Variants in LRRC4C observed in about 807,000 individuals in gnomAD.
The protein encoded by LRRC4C is leucine rich repeat containing 4C.
LRRC4C carries 5 observed loss-of-function variants against 33.6 expected under a neutral mutation model. The observed-to-expected ratio is 0.15, with a 90% CI of 0.08 to 0.31. LRRC4C has a LOEUF of 0.31. Ranked by LOEUF, LRRC4C falls within the 10% of genes least tolerant of loss-of-function variation. LRRC4C has a pLI of 1.00. For missense variants in LRRC4C, 560 were observed against 796.7 expected, an observed-to-expected ratio of 0.70 and a Z score of 3.58; for synonymous variants, 329 against 302.0, an observed-to-expected ratio of 1.09 and a Z score of -0.93.
At chr11:40,939,564 C>T (rs535077560) in intron 1 of LRRC4C, among the ~76,000 whole-genome samples, 20 of 152,176 alleles carry the variant, frequency 1.3e-4, no homozygotes, top group African/African-American at 4.3e-4. Flanking sequence ...GGCACTCTTT[C>T]GGCACCTGGG....
chr11:40,740,214 A>C (rs1010813108), intron 2 of LRRC4C, among the ~76,000 whole-genome samples: 7 of 151,838 alleles, frequency 4.6e-5, no homozygotes, highest in Admixed American at 4.6e-4. Context: ...TAGTACTATT[A>C]TTTTTAATTT....
At chr11:40,131,884 A>AT (rs1192971169) in intron 6 of LRRC4C, among the ~76,000 whole-genome samples, 2 of 152,104 alleles carry the variant, frequency 1.3e-5, no homozygotes, top group Non-Finnish European at 2.9e-5. Flanking sequence ...TCTTAGTTTT[A>AT]TTTTTCATCA....
At chr11:41,428,800 A>G (rs1472250421) in intron 1 of LRRC4C, among the ~76,000 whole-genome samples, 1 of 152,118 alleles carries the variant, frequency 6.6e-6, no homozygotes, top group African/African-American at 2.4e-5. Context: ...TTGACATTGA[A>G]TACACTAGCT....
chr11:40,640,789 C>T (rs376473398), intron 3 of LRRC4C, among the ~76,000 whole-genome samples: 5 of 151,948 alleles, frequency 3.3e-5, no homozygotes, highest in East Asian at 3.9e-4. Context: ...CCAAGGTGGG[C>T]GGATCACGAG....
At chr11:40,491,916 C>T (rs1954179379) in intron 3 of LRRC4C, among the ~76,000 whole-genome samples, 1 of 152,110 alleles carries the variant, frequency 6.6e-6, no homozygotes, top group South Asian at 2.1e-4. Context: ...TATAATTCTG[C>T]CTACCATACC....
intron 1 of LRRC4C, among the ~76,000 whole-genome samples, chr11:41,265,531 C>A (rs1339109301): frequency 6.6e-6 from 1 of 152,036 alleles, no homozygotes; most frequent in Non-Finnish European, 1.5e-5. Context: ...ATAATCTTAC[C>A]AACCTTGTGA....
chr11:40,378,689 T>C (rs1948749735), intron 3 of LRRC4C, among the ~76,000 whole-genome samples: 1 of 152,106 alleles, frequency 6.6e-6, no homozygotes, highest in Non-Finnish European at 1.5e-5. Context: ...TTGCCTTACA[T>C]AGCTAAAACG....
chr11:40,718,117 G>A lies in LRRC4C; in HGVS notation c.-406-69839C>T, dbSNP rs559092998. On this transcript the variant is annotated intron_variant, in intron 2 of 6. Coordinates refer to ENST00000528697, the MANE Select transcript of LRRC4C (RefSeq NM_001258419.2). Reference sequence around the variant, plus strand: ...AGATTCCATCAAACGCATGGTGGATGCCTATGTAATCATTTCTGAAGAATT... The same window carrying A: ...AGATTCCATCAAACGCATGGTGGATACCTATGTAATCATTTCTGAAGAATT... 1.4e-4 allele frequency among the ~76,000 whole-genome samples: 22 copies of A among 152,284 alleles called. No individual in the cohort carries two copies. The South Asian group carries it at 4.6e-3, about 32-fold the overall frequency.
intron 3 of LRRC4C, among the ~76,000 whole-genome samples, chr11:40,388,213 G>A (rs547160971): frequency 6.8e-4 from 103 of 152,170 alleles, no homozygotes; most frequent in African/African-American, 2.4e-3. Context: ...GATGAGGCCC[G>A]GATAAGATGA....
chr11:40,164,529 G>A (rs1227935131), intron 5 of LRRC4C, among the ~76,000 whole-genome samples: 1 of 152,168 alleles, frequency 6.6e-6, no homozygotes, highest in Non-Finnish European at 1.5e-5. Context: ...GAGCCACCGT[G>A]CCCAGCCAAA....
At chr11:41,251,402 C>T (rs753701020) in intron 1 of LRRC4C, among the ~76,000 whole-genome samples, 1 of 152,208 alleles carries the variant, frequency 6.6e-6, no homozygotes, top group Non-Finnish European at 1.5e-5. Context: ...AGTCACCATT[C>T]TGCGTCTTCC....
chr11:41,138,944 C>G (rs1180678129), intron 1 of LRRC4C, among the ~76,000 whole-genome samples: 1 of 152,160 alleles, frequency 6.6e-6, no homozygotes, highest in Non-Finnish European at 1.5e-5. Context: ...GAATACCTAG[C>G]TTCCCCAATA....
At chr11:40,525,519 A>G (rs1269428975) in intron 3 of LRRC4C, among the ~76,000 whole-genome samples, 1 of 152,114 alleles carries the variant, frequency 6.6e-6, no homozygotes, top group Non-Finnish European at 1.5e-5. Context: ...ATAGCAAGAA[A>G]AACTAATACC....
intron 3 of LRRC4C, among the ~76,000 whole-genome samples, chr11:40,484,432 G>GA (rs749793929): frequency 9.9e-5 from 15 of 151,032 alleles, no homozygotes; most frequent in African/African-American, 3.4e-4. Flanking sequence ...ATCTCCAAGA[G>GA]AAAAAAAAGG....
At chr11:40,552,612 G>A (rs991592010) in intron 3 of LRRC4C, among the ~76,000 whole-genome samples, 2 of 152,144 alleles carry the variant, frequency 1.3e-5, no homozygotes, top group African/African-American at 4.8e-5. Flanking sequence ...TCACTCATAT[G>A]TCCACAGCTG....
At chr11:40,491,476 C>T (rs113061404) in intron 3 of LRRC4C, among the ~76,000 whole-genome samples, 5 of 152,276 alleles carry the variant, frequency 3.3e-5, no homozygotes, top group African/African-American at 1.2e-4. Context: ...GCTAGGGATG[C>T]AATCTCACTT....
At chr11:40,949,143 T>A (rs1409345844) in intron 1 of LRRC4C, among the ~76,000 whole-genome samples, 1 of 152,142 alleles carries the variant, frequency 6.6e-6, no homozygotes, top group Non-Finnish European at 1.5e-5. Context: ...TTTTCACGTG[T>A]TTTTTGGCTG....
At position 40,326,200 on chromosome 11, in the gene LRRC4C, A is replaced by G. The variant is rs2136900053; in HGVS notation, c.-269-6479T>C. Among the ~76,000 whole-genome samples, 2 of 152,302 alleles carry G rather than the reference A, an allele frequency of 1.3e-5. 1 individual carries two copies. The highest frequency in any genetic ancestry group is 4.1e-4 in the South Asian group (2 of 4,826). On this transcript the variant is annotated intron_variant, in intron 3 of 6. Transcript: ENST00000528697. ...TTAAGTCAGTGACTTACTTCAGTAT[A>G]ACCTAGTACTGAGGGCATAGCTAAC...
intron 4 of LRRC4C, among the ~76,000 whole-genome samples, chr11:40,285,179 T>C (rs1943750610): frequency 6.6e-6 from 1 of 152,114 alleles, no homozygotes; most frequent in Non-Finnish European, 1.5e-5. Context: ...TTGAGATTCC[T>C]CTCTCAAAAA....
Sources: allele counts gnomAD v4.1 joint callset (sites outside exome capture counted in the v4.1 genomes callset), GRCh38; gene constraint gnomAD v4.1.1; transcripts MANE v1.5; gene names NCBI Gene and HGNC (gene_info 2026-07-23, HGNC 2026-07-21).